OLFM1: variants seen among roughly 807,000 people sequenced by gnomAD.
OLFM1 encodes the protein olfactomedin 1.
In OLFM1, 9 loss-of-function variants were observed where a neutral mutation model predicts 49.7. The observed-to-expected ratio is 0.18, with a 90% CI of 0.11 to 0.32. OLFM1 has a LOEUF of 0.32. OLFM1 is among the 10% of genes least tolerant of loss of function. OLFM1 has a pLI of 1.00. For missense variants in OLFM1, 369 were observed against 661.8 expected, an observed-to-expected ratio of 0.56 and a Z score of 4.85; for synonymous variants, 240 against 271.8, an observed-to-expected ratio of 0.88 and a Z score of 1.15.
chr9:135,097,959 G>T, intron 3 of OLFM1: 1 of 1,437,846 alleles, frequency 7.0e-7, no homozygotes, highest in South Asian at 1.6e-5. Flanking sequence ...CTTTGCATGC[G>T]ACTGTAGCTG....
intron 1 of OLFM1, among the ~76,000 whole-genome samples, chr9:135,079,455 A>G (rs1212195145): frequency 1.3e-5 from 2 of 152,140 alleles, no homozygotes; most frequent in African/African-American, 4.8e-5. Flanking sequence ...AATACAAAAA[A>G]TGAGCAGGGC....
intron 5 of OLFM1, 143 bp from the exon 6 acceptor site, chr9:135,119,361 G>A: frequency 3.0e-6 from 2 of 671,322 alleles, no homozygotes; most frequent in Non-Finnish European, 5.0e-6. Flanking sequence ...GTGCTTTCTG[G>A]GTCTTTGGAG....
At chr9:135,075,881 G>T in intron 1 of OLFM1, 1 of 1,464,940 alleles carries the variant, frequency 6.8e-7, no homozygotes, top group East Asian at 2.6e-5. Context: ...GTCCGGGAAC[G>T]GCTCTGGCTC....
upstream of OLFM1, chr9:135,087,494 A>C: frequency 1.4e-6 from 2 of 1,469,216 alleles, no homozygotes; most frequent in Non-Finnish European, 1.8e-6. Context: ...TGTCACCCTG[A>C]TCCCAACTCC....
At chr9:135,105,870 GC>G (rs1403697710) in intron 4 of OLFM1, 1 of 152,304 alleles carries the variant, frequency 6.6e-6, no homozygotes, top group Non-Finnish European at 1.5e-5. Flanking sequence ...TCAGAGGGCG[GC>G]CGAGGCTCGT....
intron 5 of OLFM1, among the ~76,000 whole-genome samples, chr9:135,118,886 G>T (rs1831141637): frequency 6.8e-6 from 1 of 146,526 alleles, no homozygotes; most frequent in African/African-American, 2.5e-5. Context: ...TCTTTGGAGT[G>T]CTTACTGGGT....
At chr9:135,105,049 C>T (rs919541842) in intron 4 of OLFM1, among the ~76,000 whole-genome samples, 1 of 151,792 alleles carries the variant, frequency 6.6e-6, no homozygotes, top group African/African-American at 2.4e-5. Context: ...GGGAGCATGG[C>T]CTGGCCCAGA....
chr9:135,075,663 C>T (rs776506241), exon 1 of OLFM1: 46 of 1,437,978 alleles, frequency 3.2e-5, no homozygotes, highest in Non-Finnish European at 4.1e-5. Context: ...CGGAGCGCGT[C>T]CGCGTCCACG....
At position 135,117,151 on chromosome 9, in the gene OLFM1, G is replaced by A. The variant is rs1831107370; in HGVS notation, c.784-2353G>A. On this transcript the variant is annotated intron_variant, in intron 5 of 5. Coordinates refer to ENST00000371793, the MANE Select transcript of OLFM1 (RefSeq NM_001282611.2). The surrounding 1 kb of genome is among the most constrained non-coding windows in gnomAD (Gnocchi z 5.5). ...TGCTTTCTAATTTGCTCCCACATTG[G>A]TTGAAAATGACTAAAGCATTTTGCG... Among the ~76,000 whole-genome samples, 2 of 152,166 alleles carry A rather than the reference G, an allele frequency of 1.3e-5. No individual in the cohort carries two copies. Among genetic ancestry groups the A allele is most frequent in the African/African-American group, 4.8e-5 (2 of 41,442 alleles).
chr9:135,078,093 C>T (rs1403470160), intron 1 of OLFM1, among the ~76,000 whole-genome samples: 1 of 152,192 alleles, frequency 6.6e-6, no homozygotes, highest in African/African-American at 2.4e-5. Context: ...GACATCCATC[C>T]CCAAGCATCT....
intron 1 of OLFM1, among the ~76,000 whole-genome samples, chr9:135,081,337 T>C (rs1830529217): frequency 6.6e-6 from 1 of 152,110 alleles, no homozygotes; most frequent in Non-Finnish European, 1.5e-5. Flanking sequence ...GCAAAGGAGG[T>C]GCTGGTGCTG....
At chr9:135,087,611 G>T (rs1404645651), upstream of OLFM1, 4 of 704,332 alleles carry the variant, frequency 5.7e-6, no homozygotes, top group African/African-American at 1.9e-5. Flanking sequence ...CGTCGGTCCC[G>T]CCCGGCCGAG....
Position 135,119,693 on chromosome 9 carries a change from C to G in OLFM1, c.973C>G (p.Leu325Val). Residue 325 changes from leucine (L) to valine (V), a missense_variant, in exon 6 of 6, where the codon CTG (leucine) becomes GTG (valine). Transcript: ENST00000371793. ...FQSHIIIRFD[L>V]KTETILKTRS... ...GAGCCACATCATCATCAGGTTTGAC[C>G]TGAAGACAGAGACCATCCTCAAGAC... The G allele has an allele frequency of 1.2e-6, 2 of 1,614,170 alleles. No individual in the cohort carries two copies. The highest frequency in any genetic ancestry group is 2.2e-5 in the South Asian group (2 of 91,088).
intron 4 of OLFM1, among the ~76,000 whole-genome samples, chr9:135,100,287 C>T (rs978036065): frequency 6.6e-6 from 1 of 152,186 alleles, no homozygotes; most frequent in African/African-American, 2.4e-5. Flanking sequence ...CCACCCCTCC[C>T]GGATGAGCTG....
At chr9:135,109,486 G>A (rs1041379120) in intron 5 of OLFM1, among the ~76,000 whole-genome samples, 1 of 152,114 alleles carries the variant, frequency 6.6e-6, no homozygotes. Context: ...AGGGGGTGGG[G>A]GAGATGGGTG....
rs10116333 is a variant in OLFM1 at position 135,113,355 on chromosome 9, A to G, written c.784-6149A>G. On this transcript the variant is annotated intron_variant, in intron 5 of 5. Coordinates refer to ENST00000371793, the MANE Select transcript of OLFM1 (RefSeq NM_001282611.2). This position sits in a 1 kb window ranked among gnomAD's most constrained non-coding sequence, Gnocchi z 4.0. The stretch of plus-strand genomic sequence containing the variant: ...TTCCTTTGGGTGGTGCCTGGGCCTG[A>G]TGAGCTCCAGCAGGCTCTGAGGGCC... 0.21 allele frequency among the ~76,000 whole-genome samples: 32,305 copies of G among 151,942 alleles called. 3,565 individuals are homozygous for G. The highest frequency in any genetic ancestry group is 0.29 in the Middle Eastern group (85 of 294).
chr9:135,109,018 C>T (rs1830985696), intron 5 of OLFM1, among the ~76,000 whole-genome samples: 1 of 152,162 alleles, frequency 6.6e-6, no homozygotes, highest in South Asian at 2.1e-4. Flanking sequence ...CCCACGCTGA[C>T]CACATTGAGA....
chr9:135,090,511 A>C (rs922826394), intron 2 of OLFM1, among the ~76,000 whole-genome samples, 167 bp downstream of exon 2: 9 of 151,820 alleles, frequency 5.9e-5, no homozygotes, highest in African/African-American at 2.2e-4. Flanking sequence ...TGAATGAGTG[A>C]AAGGGTGGAT....
Position 135,098,455 on chromosome 9 carries a change from G to A in OLFM1, c.626G>A (p.Ser209Asn). Residue 209 changes from serine to asparagine, a missense_variant, in exon 4 of 6, where the codon AGC becomes AAC. Physicochemically the swap from Ser to Asn is conservative, Grantham distance 46. Around this residue, in one of 3 missense-constraint regions of OLFM1, gnomAD observed 294 missense variants for 567.5 expected, o/e 0.52. Transcript: ENST00000371793. This position sits in a 1 kb window ranked among gnomAD's most constrained non-coding sequence, Gnocchi z 5.6. ...IGAYDYDELQ[S>N]RVSNLEERLR... ...GCCTATGACTACGATGAACTTCAGA[G>A]CAGAGTGTCCAATCTTGAAGAAAGG... 1 of 1,613,862 alleles carries A rather than the reference G, an allele frequency of 6.2e-7. No homozygotes were observed. The highest frequency in any genetic ancestry group is 2.2e-5 in the East Asian group (1 of 44,888).
Sources: allele counts gnomAD v4.1 joint callset (sites outside exome capture counted in the v4.1 genomes callset), GRCh38; gene constraint gnomAD v4.1.1; regional missense constraint gnomAD v4.1.1; non-coding constraint Gnocchi (gnomAD v3.1); transcripts MANE v1.5; gene names NCBI Gene and HGNC (gene_info 2026-07-23, HGNC 2026-07-21).